CCDC171: variants seen among roughly 807,000 people sequenced by gnomAD.
CCDC171 encodes the protein coiled-coil domain-containing protein 171.
In CCDC171, 177 loss-of-function variants were observed where a neutral mutation model predicts 168.2. That is an observed-to-expected ratio of 1.05 (90% CI 0.93 to 1.19). The LOEUF (loss-of-function observed/expected upper bound fraction) is 1.19, where lower values mean the gene tolerates loss of function less well. Ranked by LOEUF, CCDC171 falls within the 50% of genes most tolerant of loss-of-function variation. The pLI, the probability that CCDC171 is intolerant of heterozygous loss-of-function variation, is 0.00. For synonymous variants in CCDC171, 687 were observed against 540.8 expected (o/e 1.27, Z -3.75); for missense variants, 1,991 against 1,539.0 (o/e 1.29, Z -4.91).
intron 18 of CCDC171, among the ~76,000 whole-genome samples, chr9:15,759,892 TTCA>T (rs994918362): frequency 6.6e-6 from 1 of 152,178 alleles, no homozygotes; most frequent in African/African-American, 2.4e-5. Context: ...GTAGGATATT[TTCA>T]TCATAGGACA....
intron 24 of CCDC171, among the ~76,000 whole-genome samples, chr9:15,881,070 G>A (rs1052332097): frequency 3.3e-5 from 5 of 152,064 alleles, no homozygotes; most frequent in African/African-American, 1.2e-4. Context: ...CCTAGATATG[G>A]GGCCTAACTT....
At chr9:15,970,731 A>C (rs1462262064) in intron 25 of CCDC171, among the ~76,000 whole-genome samples, 1 of 152,204 alleles carries the variant, frequency 6.6e-6, no homozygotes, top group South Asian at 2.1e-4. Flanking sequence ...GTTCTCAAAT[A>C]TATGACAAAT....
At chr9:15,719,620 A>G (rs1364837013) in intron 11 of CCDC171, among the ~76,000 whole-genome samples, 1 of 152,190 alleles carries the variant, frequency 6.6e-6, no homozygotes, top group African/African-American at 2.4e-5. Flanking sequence ...TACTTCAACT[A>G]AACTTTATTA....
At chr9:15,826,059 C>G (rs1563817548) in intron 21 of CCDC171, among the ~76,000 whole-genome samples, 1 of 151,898 alleles carries the variant, frequency 6.6e-6, no homozygotes, top group Non-Finnish European at 1.5e-5. Context: ...AAAAATATTT[C>G]TATCTTCTTA....
chr9:16,038,849 A>C (rs1188149144), upstream of CCDC171, among the ~76,000 whole-genome samples: 2 of 149,280 alleles, frequency 1.3e-5, no homozygotes, highest in African/African-American at 4.9e-5. Flanking sequence ...AAAAAAATAG[A>C]AAAAGACCTA....
intron 18 of CCDC171, among the ~76,000 whole-genome samples, chr9:15,773,262 C>T (rs1290618052): frequency 2.6e-5 from 4 of 152,030 alleles, no homozygotes; most frequent in African/African-American, 4.8e-5. Context: ...TTATTATTCA[C>T]GCATATATTT....
intron 21 of CCDC171, among the ~76,000 whole-genome samples, chr9:15,836,051 A>G (rs1165891156): frequency 6.6e-6 from 1 of 152,190 alleles, no homozygotes; most frequent in African/African-American, 2.4e-5. Flanking sequence ...ATTAAACTTC[A>G]TATCTTCCCC....
chr9:15,665,326 C>A lies in CCDC171; in HGVS notation c.916-837C>A, dbSNP rs556452447. On this transcript the variant is annotated intron_variant, in intron 8 of 25. Transcript: ENST00000380701. ...AATCCCAGATATCAAATAACGATAACCATAAATATTTCAGTCAAATAGTAT... is the reference window on the plus strand; with the variant it reads ...AATCCCAGATATCAAATAACGATAAACATAAATATTTCAGTCAAATAGTAT... Among the ~76,000 whole-genome samples, 5 of 152,142 alleles carry A rather than the reference C, an allele frequency of 3.3e-5. 1 individual carries two copies. The highest frequency in any genetic ancestry group is 4.2e-4 in the South Asian group (2 of 4,812).
At chr9:15,927,079 TA>T (rs1444105777) in intron 25 of CCDC171, among the ~76,000 whole-genome samples, 7 of 151,736 alleles carry the variant, frequency 4.6e-5, no homozygotes, top group African/African-American at 1.7e-4. Flanking sequence ...GTAATGCATA[TA>T]AAGAGATTGA....
At chr9:16,078,926 C>T in the CCDC171 span, among the ~76,000 whole-genome samples, 1 of 152,150 alleles carries the variant, frequency 6.6e-6, no homozygotes, top group Non-Finnish European at 1.5e-5. Flanking sequence ...ATCAGGAAGG[C>T]AGGTGATTCA....
At chr9:15,779,938 A>G (rs2057572281) in intron 20 of CCDC171, among the ~76,000 whole-genome samples, 1 of 152,212 alleles carries the variant, frequency 6.6e-6, no homozygotes, top group Non-Finnish European at 1.5e-5. Context: ...TAATGTGGAT[A>G]TGGGAACATA....
At chr9:15,563,918 G>A (rs2039516712) in intron 1 of CCDC171, 60 bp from the exon 2 acceptor site, 1 of 571,030 alleles carries the variant, frequency 1.8e-6, no homozygotes, top group Non-Finnish European at 3.1e-6. Context: ...CAAAAAACAA[G>A]AAAAATCTCC....
intron 6 of CCDC171, among the ~76,000 whole-genome samples, chr9:15,605,845 C>T (rs1236734997): frequency 6.6e-6 from 1 of 152,086 alleles, no homozygotes; most frequent in Non-Finnish European, 1.5e-5. Context: ...TAATATTTTG[C>T]CTCCATCTTT....
At chr9:15,879,415 C>T (rs1201962015) in intron 24 of CCDC171, among the ~76,000 whole-genome samples, 4 of 152,012 alleles carry the variant, frequency 2.6e-5, no homozygotes, top group African/African-American at 4.8e-5. Context: ...TCTGTCCCCT[C>T]GAATGCTTTT....
chr9:16,081,763 C>T, the CCDC171 span, among the ~76,000 whole-genome samples: 1 of 151,946 alleles, frequency 6.6e-6, no homozygotes, highest in African/African-American at 2.4e-5. Flanking sequence ...AGTAGAGCTT[C>T]TGAGGTAGGT....
At chr9:15,786,352 A>G (rs1463029636) in intron 21 of CCDC171, among the ~76,000 whole-genome samples, 1 of 152,144 alleles carries the variant, frequency 6.6e-6, no homozygotes, top group African/African-American at 2.4e-5. Context: ...TTCATTGTGG[A>G]AAAATAAGAA....
At chr9:15,596,618 G>T (rs1422208925) in intron 6 of CCDC171, among the ~76,000 whole-genome samples, 1 of 151,886 alleles carries the variant, frequency 6.6e-6, no homozygotes, top group Non-Finnish European at 1.5e-5. Context: ...GGATTGACTT[G>T]GCAATGTGGG....
At chr9:15,878,276 C>T (rs574236974) in intron 24 of CCDC171, among the ~76,000 whole-genome samples, 102 of 151,548 alleles carry the variant, frequency 6.7e-4, no homozygotes, top group South Asian at 2.9e-3. Flanking sequence ...CTTAAATTTA[C>T]GAGAAAAAAC....
intron 24 of CCDC171, among the ~76,000 whole-genome samples, chr9:15,918,680 C>T (rs1589126351): frequency 6.6e-6 from 1 of 151,488 alleles, no homozygotes; most frequent in Non-Finnish European, 1.5e-5. Flanking sequence ...TCATATAATG[C>T]TTATGTAGTG....
Sources: allele counts gnomAD v4.1 joint callset (sites outside exome capture counted in the v4.1 genomes callset), GRCh38; gene constraint gnomAD v4.1.1; transcripts MANE v1.5; gene names NCBI Gene and HGNC (gene_info 2026-07-23, HGNC 2026-07-21).